The following ZNF287 variants were observed in gnomAD, a reference collection of about 807,000 sequenced individuals.
The protein encoded by ZNF287 is zinc finger protein 287.
A neutral mutation model predicts 73.7 loss-of-function variants in ZNF287; 31 were observed. That is an observed-to-expected ratio of 0.42 (90% CI 0.32 to 0.57). The LOEUF (loss-of-function observed/expected upper bound fraction) is 0.57. Among genes scored for constraint, ZNF287 ranks in the 20% least tolerant of loss-of-function variants. ZNF287 has a pLI of 0.13. For synonymous variants in ZNF287, 301 were observed against 307.2 expected, an observed-to-expected ratio of 0.98 and a Z score of 0.21; for missense variants, 641 against 909.3, an observed-to-expected ratio of 0.70 and a Z score of 3.79.
chr17:16,560,418 T>C (rs1235740045), intron 5 of ZNF287, among the ~76,000 whole-genome samples: 4 of 151,032 alleles, frequency 2.6e-5, no homozygotes, highest in East Asian at 4.0e-4. Flanking sequence ...GGCACAATCT[T>C]GGCTCACTGC....
At chr17:16,564,744 T>G (rs1376200695) in intron 3 of ZNF287, among the ~76,000 whole-genome samples, 1 of 152,204 alleles carries the variant, frequency 6.6e-6, no homozygotes, top group Non-Finnish European at 1.5e-5. Flanking sequence ...TTGCTCCTTT[T>G]GTTAAAAATA....
chr17:16,559,566 A>G (rs527806574), intron 5 of ZNF287, among the ~76,000 whole-genome samples: 1 of 103,898 alleles, frequency 9.6e-6, no homozygotes, highest in Admixed American at 1.1e-4. Context: ...CTGACTTAAA[A>G]GAACTAACAC....
At chr17:16,557,425 A>G (rs755543111) in intron 5 of ZNF287, among the ~76,000 whole-genome samples, 1 of 152,160 alleles carries the variant, frequency 6.6e-6, no homozygotes, top group Non-Finnish European at 1.5e-5. Flanking sequence ...AAAATATAAT[A>G]AAGAACTATA....
chr17:16,556,858 T>C (rs1039516750), intron 5 of ZNF287, among the ~76,000 whole-genome samples: 1 of 152,134 alleles, frequency 6.6e-6, no homozygotes, highest in Non-Finnish European at 1.5e-5. Flanking sequence ...GCACTTTTTT[T>C]TTTTTTGAGA....
intron 3 of ZNF287, among the ~76,000 whole-genome samples, chr17:16,564,301 A>C (rs1907620826): frequency 6.6e-6 from 1 of 152,182 alleles, no homozygotes; most frequent in Non-Finnish European, 1.5e-5. Flanking sequence ...CCTGGGCAGA[A>C]GTGATCCTCT....
At chr17:16,563,103 G>A in intron 5 of ZNF287, 43 bp downstream of exon 5, 1 of 1,432,228 alleles carries the variant, frequency 7.0e-7, no homozygotes, top group Non-Finnish European at 9.7e-7. Context: ...TTAGGATATA[G>A]ATTCTTAAAT....
chr17:16,548,577 C>A lies in ZNF287; in HGVS notation c.*3279G>T, dbSNP rs1397586340. ...CTTTGGGAGGCTGAGGCGGGTGGATCACGAGGTCAGGATATCGAGACAAGC... is the reference window on the plus strand; with the variant it reads ...CTTTGGGAGGCTGAGGCGGGTGGATAACGAGGTCAGGATATCGAGACAAGC... On this transcript the variant is annotated 3_prime_UTR_variant, in exon 6 of 6. Transcript: ENST00000395825. Among the ~76,000 whole-genome samples the A allele has an allele frequency of 6.6e-6, 1 of 151,990 alleles. No homozygotes were observed. Among genetic ancestry groups the A allele is most frequent in the Non-Finnish European group, 1.5e-5 (1 of 68,000 alleles).
rs752338579 is a variant in ZNF287 at position 16,548,132 on chromosome 17, C to T, written c.*3724G>A. Among the ~76,000 whole-genome samples, 8 of 152,168 alleles carry T rather than the reference C, an allele frequency of 5.3e-5. No homozygotes were observed. The highest frequency in any genetic ancestry group is 1.4e-4 in the African/African-American group (6 of 41,438). ...TTGATGAGACAATGGATTCAGGCAA[C>T]GATCACCGTTGGTTACTTTTTACCA... is the stretch of plus-strand genomic sequence containing the variant. On this transcript the variant is annotated 3_prime_UTR_variant, in exon 6 of 6. Coordinates refer to ENST00000395825, the MANE Select transcript of ZNF287 (RefSeq NM_020653.4).
At position 16,562,524 on chromosome 17, in the gene ZNF287, C is replaced by T. The variant is rs371096948; in HGVS notation, c.715+622G>A. Among the ~76,000 whole-genome samples, 245 of 152,260 alleles carry T rather than the reference C, an allele frequency of 1.6e-3. 2 individuals carry two copies. Among genetic ancestry groups the T allele is most frequent in the Non-Finnish European group, 2.9e-3 (194 of 68,016 alleles). Reference sequence around the variant, plus strand: ...TTATGTGGAACTTTATTACAGACTTCTACAGGAAAACAGTGGTTCATTGAC... The same window carrying T: ...TTATGTGGAACTTTATTACAGACTTTTACAGGAAAACAGTGGTTCATTGAC... On this transcript the variant is annotated intron_variant, in intron 5 of 5. Coordinates refer to ENST00000395825, the MANE Select transcript of ZNF287 (RefSeq NM_020653.4).
Position 16,563,692 on chromosome 17 carries a change from T to C in ZNF287, c.628+7A>G. 1 of 1,612,082 alleles carries C rather than the reference T, an allele frequency of 6.2e-7. No homozygotes were observed. The highest frequency in any genetic ancestry group is 8.5e-7 in the Non-Finnish European group (1 of 1,178,920). On this transcript the variant is annotated splice_region_variant and intron_variant, in intron 4 of 5. Coordinates refer to ENST00000395825, the MANE Select transcript of ZNF287 (RefSeq NM_020653.4). ...CTCGGAGGAGGAGGGATGCAGATGA[T>C]CCTTACCCAGAGAAACCATGTTCCA...
chr17:16,553,078 CCATATGAGA>C lies in ZNF287; in HGVS notation c.1055_1063del (p.Val352_Tyr354del). 1 of 1,614,122 alleles carries C rather than the reference CCATATGAGA, an allele frequency of 6.2e-7. No homozygotes were observed. The highest frequency in any genetic ancestry group is 1.3e-5 in the African/African-American group (1 of 75,026). On this transcript the variant is annotated inframe_deletion, in exon 6 of 6. Transcript: ENST00000395825. ...AGGAAGTATTTTCCTATGTACAATA[CCATATGAGA>C]CATGATTGAAGGTTGCCCTGCCTTC...
chr17:16,567,052 G>A (rs903689440), intron 2 of ZNF287, among the ~76,000 whole-genome samples: 14 of 152,122 alleles, frequency 9.2e-5, no homozygotes, highest in East Asian at 3.9e-4. Context: ...ATTTGGTTGC[G>A]TCTGGTCATT....
intron 5 of ZNF287, among the ~76,000 whole-genome samples, 172 bp from the exon 6 acceptor site, chr17:16,553,598 G>A (rs117135971): frequency 0.01 from 1,535 of 152,306 alleles, 17 homozygotes; most frequent in Non-Finnish European, 0.012. Context: ...AAAAAAGGGA[G>A]ACTAAGTTGT....
In ZNF287 at chr17:16,552,825, A is replaced by C. The variant is rs778676935; in HGVS notation, c.1317T>G (p.Leu439=). 1.2e-6 allele frequency: 2 copies of C among 1,614,152 alleles called. No homozygotes were observed. The highest frequency in any genetic ancestry group is 8.5e-7 in the Non-Finnish European group (1 of 1,180,016). Residue 439 remains leucine (L), a synonymous_variant, in exon 6 of 6, where the codon CTT becomes CTG. Coordinates refer to ENST00000395825, the MANE Select transcript of ZNF287 (RefSeq NM_020653.4). The surrounding 1 kb of genome is among the most constrained non-coding windows in gnomAD (Gnocchi z 6.5). ...CAGTATGAATTCTCTGATGTATAGT[A>C]AGGTGTGCACGCTGGCTGAAGGCTT... ...CGKAFSQRAH[L]TIHQRIHTGE...
intron 2 of ZNF287, 79 bp downstream of exon 2, chr17:16,567,250 T>C: frequency 6.6e-7 from 1 of 1,517,106 alleles, no homozygotes; most frequent in Non-Finnish European, 8.8e-7. Context: ...CTGATTTCTT[T>C]AAAGGAGCTG....
chr17:16,561,112 T>G (rs902838198), intron 5 of ZNF287, among the ~76,000 whole-genome samples: 52 of 152,150 alleles, frequency 3.4e-4, no homozygotes, highest in African/African-American at 1.2e-3. Context: ...GGTCAGGAGT[T>G]TGAGACCAGC....
Position 16,552,391 on chromosome 17 carries a change from G to C in ZNF287, c.1751C>G (p.Thr584Ser). Residue 584 changes from threonine to serine, a missense_variant, in exon 6 of 6, where the codon ACC (threonine) becomes AGC (serine). Thr to Ser is a moderately conservative substitution (Grantham distance 58). Transcript: ENST00000395825. This position sits in a 1 kb window ranked among gnomAD's most constrained non-coding sequence, Gnocchi z 6.5. Reference protein sequence around the residue: ...AHSSTLIQHQTTHTGEKSYIC... With the variant: ...AHSSTLIQHQSTHTGEKSYIC... Reference sequence around the variant, plus strand: ...ATAGGATTTCTCTCCAGTGTGAGTGGTTTGATGTTGAATAAGGGTTGAGGA... The same window carrying C: ...ATAGGATTTCTCTCCAGTGTGAGTGCTTTGATGTTGAATAAGGGTTGAGGA... 2 of 1,613,840 alleles carry C rather than the reference G, an allele frequency of 1.2e-6. No individual in the cohort carries two copies. Among genetic ancestry groups the C allele is most frequent in the Non-Finnish European group, 1.7e-6 (2 of 1,179,898 alleles).
rs1331344935 is a variant in ZNF287 at position 16,552,816 on chromosome 17, A to G, written c.1326T>C (p.His442=). The part of the protein sequence containing the change: ...AFSQRAHLTI[H]QRIHTGEKPY... ...GTTTCTCTCCAGTATGAATTCTCTG[A>G]TGTATAGTAAGGTGTGCACGCTGGC... Residue 442 remains histidine, a synonymous_variant, in exon 6 of 6, where the codon CAT becomes CAC. Coordinates refer to ENST00000395825, the MANE Select transcript of ZNF287 (RefSeq NM_020653.4). The surrounding 1 kb of genome is among the most constrained non-coding windows in gnomAD (Gnocchi z 6.5). 4 of 1,614,110 alleles carry G rather than the reference A, an allele frequency of 2.5e-6. No homozygotes were observed.
At position 16,553,325 on chromosome 17, in the gene ZNF287, C is replaced by G. The variant is rs775258359; in HGVS notation, c.817G>C (p.Asp273His). ...TIKLEDSYDY[D>H]DRLERRGKGG... ...TTTCCTCGCCTCTCTAGTCTATCAT[C>G]GTAGTCATATGAGTCTTCTAATTTG... is the stretch of plus-strand genomic sequence containing the variant. Residue 273 changes from aspartate to histidine, a missense_variant, in exon 6 of 6, where the codon GAT (aspartate) becomes CAT (histidine). By Grantham distance (81) the Asp-to-His change is moderately conservative (BLOSUM62 -1). This residue lies in a region of ZNF287 where 357 missense variants were observed against 442.4 expected (regional missense o/e 0.81). Transcript: ENST00000395825. 1 of 1,613,684 alleles carries G rather than the reference C, an allele frequency of 6.2e-7. No homozygotes were observed. Among genetic ancestry groups the G allele is most frequent in the Non-Finnish European group, 8.5e-7 (1 of 1,179,838 alleles).
Sources: gnomAD v4.1 joint callset for allele counts (sites outside exome capture counted in the v4.1 genomes callset) on GRCh38, gnomAD v4.1.1 for gene constraint, gnomAD v4.1.1 regional missense constraint, Gnocchi (gnomAD v3.1) non-coding constraint, MANE v1.5 for transcripts, NCBI Gene and HGNC (gene_info 2026-07-23, HGNC 2026-07-21) for gene names.